The following MTMR2 variants were observed in gnomAD, a reference collection of about 807,000 sequenced individuals.
MTMR2 encodes myotubularin related protein 2.
Under a neutral mutation model 86.9 loss-of-function variants are expected in MTMR2, and 55 were observed. The ratio of observed to expected loss-of-function variants is 0.63; its 90% CI spans 0.51 to 0.79. The LOEUF is 0.79. MTMR2 is among the 30% of genes least tolerant of loss of function. The probability of loss-of-function intolerance (pLI) is 0.00; values close to 1 mark genes in which losing one functional copy is unlikely to be tolerated. For missense variants in MTMR2, 659 were observed against 772.3 expected (o/e 0.85, Z 1.74); for synonymous variants, 241 against 266.8 (o/e 0.90, Z 0.94).
intron 8 of MTMR2, 53 bp from the exon 9 acceptor site, chr11:95,849,915 T>G: frequency 3.3e-6 from 5 of 1,511,082 alleles, no homozygotes; most frequent in Non-Finnish European, 4.6e-6. Context: ...CTGTTTATAA[T>G]TCTCAAAAAC....
intron 1 of MTMR2, 35 bp from the exon 2 acceptor site, chr11:95,888,296 TGGG>T: frequency 6.7e-7 from 1 of 1,490,072 alleles, no homozygotes; most frequent in Non-Finnish European, 9.3e-7. Context: ...GTTGGAAAAA[TGGG>T]GGCTTCAAAG....
In MTMR2 at chr11:95,847,710, C is replaced by A. The variant is rs919359093; in HGVS notation, c.1179+4G>T. ...TTGTTTGGGATATAGTAACACACACCCACCTTAATATGTTCTAGCCAATGA... is the reference window on the plus strand; with the variant it reads ...TTGTTTGGGATATAGTAACACACACACACCTTAATATGTTCTAGCCAATGA... On this transcript the variant is annotated splice_donor_region_variant and intron_variant, in intron 10 of 14. Coordinates refer to ENST00000346299, the MANE Select transcript of MTMR2 (RefSeq NM_016156.6). The A allele has an allele frequency of 1.3e-6, 2 of 1,587,560 alleles. No individual in the cohort carries two copies. Among genetic ancestry groups the A allele is most frequent in the African/African-American group, 2.7e-5 (2 of 74,612 alleles).
At chr11:95,908,523 G>A (rs755332654) in intron 1 of MTMR2, among the ~76,000 whole-genome samples, 1 of 151,966 alleles carries the variant, frequency 6.6e-6, no homozygotes, top group African/African-American at 2.4e-5. Context: ...AAAGAAGCCC[G>A]AATAGCCACA....
Position 95,914,126 on chromosome 11 carries a change from A to C in MTMR2, c.80+9749T>G, listed in dbSNP as rs566413936. On this transcript the variant is annotated intron_variant, in intron 1 of 14. Transcript: ENST00000346299. The stretch of plus-strand genomic sequence containing the variant: ...GACTTGGAAATGGAACTGAAGTTTG[A>C]AACTACTTGTTACTCATAAGTGCAA... The C allele has an allele frequency of 6.5e-6, 6 of 920,554 alleles. No homozygotes were observed. In the East Asian group the frequency reaches 5.9e-4, roughly 90 times the overall value. The allele number at this position is 920,554 out of a possible 1,614,324, so 57.0% of individuals were successfully genotyped here. A position where few individuals can be genotyped will look rare whatever the true frequency, so the allele number is the denominator to read the frequency against.
intron 1 of MTMR2, among the ~76,000 whole-genome samples, chr11:95,909,198 A>C (rs147160097): frequency 0.017 from 2,574 of 152,272 alleles, 33 homozygotes; most frequent in South Asian, 0.062. Flanking sequence ...TTAGGTGAAC[A>C]AAGTTATACA....
intron 1 of MTMR2, among the ~76,000 whole-genome samples, chr11:95,920,416 T>C (rs1565392993): frequency 3.3e-5 from 5 of 151,958 alleles, no homozygotes; most frequent in African/African-American, 9.7e-5. Context: ...CAAGTAATTC[T>C]GGTACCTCAG....
chr11:95,867,375 T>C (rs965024987), intron 2 of MTMR2, among the ~76,000 whole-genome samples: 2 of 152,126 alleles, frequency 1.3e-5, no homozygotes, highest in East Asian at 1.9e-4. Flanking sequence ...ATTTATGTTA[T>C]GTACAGAAGA....
At chr11:95,847,949 A>G (rs1390528447) in intron 9 of MTMR2, 50 bp from the exon 10 acceptor site, 1 of 1,510,442 alleles carries the variant, frequency 6.6e-7, no homozygotes, top group South Asian at 1.1e-5. Context: ...GCACATCTGT[A>G]AACAAGTGAC....
chr11:95,902,884 A>C (rs1313750507), intron 1 of MTMR2, among the ~76,000 whole-genome samples: 4 of 152,118 alleles, frequency 2.6e-5, no homozygotes, highest in African/African-American at 9.7e-5. Context: ...ATTCAACCTC[A>C]TGCCATCAGA....
intron 12 of MTMR2, among the ~76,000 whole-genome samples, chr11:95,840,883 C>G (rs978801431): frequency 7.9e-5 from 12 of 152,084 alleles, no homozygotes; most frequent in Non-Finnish European, 1.6e-4. Context: ...GTTTTGGGGT[C>G]TAATAAACCC....
In MTMR2 at chr11:95,888,296, T is replaced by C. The variant is rs113287397; in HGVS notation, c.81-35A>G. 462 of 1,490,072 alleles carry C rather than the reference T, an allele frequency of 3.1e-4. 1 individual carries two copies. The African/African-American group carries it at 5.8e-3, about 19-fold the overall frequency. The allele number at this position is 1,490,072 out of a possible 1,614,324, so 92.3% of individuals were successfully genotyped here. Reference sequence around the variant, plus strand: ...ACAAAAGTACAGTATGTTGGAAAAATGGGGGCTTCAAAGACCAATTTCAGA... The same window carrying C: ...ACAAAAGTACAGTATGTTGGAAAAACGGGGGCTTCAAAGACCAATTTCAGA... On this transcript the variant is annotated intron_variant, in intron 1 of 14. Coordinates refer to ENST00000346299, the MANE Select transcript of MTMR2 (RefSeq NM_016156.6).
chr11:95,887,165 A>G (rs1347757234), intron 2 of MTMR2, among the ~76,000 whole-genome samples: 3 of 152,220 alleles, frequency 2.0e-5, no homozygotes, highest in Non-Finnish European at 2.9e-5. Context: ...TGAAAAAGAT[A>G]TAAGTATCCT....
At chr11:95,870,353 A>AG (rs1423033713) in intron 2 of MTMR2, among the ~76,000 whole-genome samples, 1 of 152,158 alleles carries the variant, frequency 6.6e-6, no homozygotes, top group Non-Finnish European at 1.5e-5. Flanking sequence ...GTAAAAAAAA[A>AG]CAAAACACTG....
intron 3 of MTMR2, 160 bp downstream of exon 3, chr11:95,865,441 T>A: frequency 1.4e-6 from 1 of 740,196 alleles, no homozygotes; most frequent in Non-Finnish European, 2.4e-6. Context: ...TAGGCTTACG[T>A]TTGTAGAACA....
At chr11:95,858,906 T>G (rs1864306491) in intron 5 of MTMR2, among the ~76,000 whole-genome samples, 2 of 152,194 alleles carry the variant, frequency 1.3e-5, no homozygotes, top group African/African-American at 4.8e-5. Flanking sequence ...AGAGGTAGTA[T>G]TTGATGTAAC....
chr11:95,863,709 C>T (rs473155), intron 3 of MTMR2, among the ~76,000 whole-genome samples: 42,610 of 151,756 alleles, frequency 0.28, 7,212 homozygotes, highest in Non-Finnish European at 0.39. Flanking sequence ...ATGTCATTCT[C>T]AGGCCAGTGC....
intron 1 of MTMR2, among the ~76,000 whole-genome samples, chr11:95,914,626 A>G (rs1003334895): frequency 2.0e-5 from 3 of 152,036 alleles, no homozygotes; most frequent in Non-Finnish European, 4.4e-5. Flanking sequence ...TTCTCTCCAA[A>G]TACAAACTCT....
Position 95,861,719 on chromosome 11 carries a change from C to T in MTMR2, c.468+273G>A, listed in dbSNP as rs187803117. ...GATTATAGGCGTGAGCCACCATGTC[C>T]GGCCAAGATGATCATTATTAAAAAA... On this transcript the variant is annotated intron_variant, in intron 5 of 14. Transcript: ENST00000346299. Among the ~76,000 whole-genome samples the T allele has an allele frequency of 1.6e-3, 242 of 152,102 alleles. 2 individuals carry two copies. Among genetic ancestry groups the T allele is most frequent in the South Asian group, 6.7e-3 (32 of 4,810 alleles).
At chr11:95,912,055 C>T (rs979069714) in intron 1 of MTMR2, among the ~76,000 whole-genome samples, 1 of 148,004 alleles carries the variant, frequency 6.8e-6, no homozygotes, top group Non-Finnish European at 1.5e-5. Flanking sequence ...GCACAAACTT[C>T]AAAGTCATAT....
Sources: allele counts gnomAD v4.1 joint callset (sites outside exome capture counted in the v4.1 genomes callset), GRCh38; gene constraint gnomAD v4.1.1; transcripts MANE v1.5; gene names NCBI Gene and HGNC (gene_info 2026-07-23, HGNC 2026-07-21).